The following NPHP1 variants were observed in gnomAD, a reference collection of about 807,000 sequenced individuals.
The protein encoded by NPHP1 is nephrocystin 1, also known as nephrocystin-1.
In NPHP1, 70 loss-of-function variants were observed where a neutral mutation model predicts 90.4. The observed-to-expected ratio is 0.77, with a 90% CI of 0.64 to 0.95. The LOEUF (loss-of-function observed/expected upper bound fraction) is 0.95. NPHP1 is among the 40% of genes least tolerant of loss of function. The probability of loss-of-function intolerance (pLI) is 0.00; values close to 1 mark genes in which losing one functional copy is unlikely to be tolerated. For synonymous variants in NPHP1, 256 were observed against 271.7 expected (o/e 0.94, Z 0.57); for missense variants, 764 against 795.9 (o/e 0.96, Z 0.48).
At chr2:110,156,721 T>C (rs1262388379) in intron 11 of NPHP1, among the ~76,000 whole-genome samples, 1 of 151,934 alleles carries the variant, frequency 6.6e-6, no homozygotes, top group African/African-American at 2.4e-5. Flanking sequence ...TTGTGTCTCA[T>C]TAGTTAGTTT....
chr2:110,180,427 A>T (rs1481619001), intron 2 of NPHP1, among the ~76,000 whole-genome samples: 1 of 140,496 alleles, frequency 7.1e-6, no homozygotes, highest in African/African-American at 2.6e-5. Flanking sequence ...TACAAAAGTC[A>T]CTTTTTTATG....
intron 12 of NPHP1, among the ~76,000 whole-genome samples, chr2:110,149,724 G>A (rs982365486): frequency 1.3e-5 from 2 of 152,094 alleles, no homozygotes; most frequent in South Asian, 2.1e-4. Flanking sequence ...AAAACAACAC[G>A]AAGACATCTT....
At chr2:110,172,092 C>A (rs1230593844) in intron 4 of NPHP1, among the ~76,000 whole-genome samples, 2 of 152,060 alleles carry the variant, frequency 1.3e-5, no homozygotes, top group Non-Finnish European at 2.9e-5. Context: ...TTTAGTAGAA[C>A]TTTTAAGATT....
At position 110,131,704 on chromosome 2, in the gene NPHP1, T is replaced by C. The variant is rs1266229950; in HGVS notation, c.1617A>G (p.Lys539=). 3.7e-6 allele frequency: 6 copies of C among 1,612,460 alleles called. No homozygotes were observed. The African/African-American group carries it at 8.0e-5, about 22-fold the overall frequency. The change falls in exon 17 of 20, where the codon AAA becomes AAG. Residue 539 remains lysine, a synonymous_variant. Coordinates refer to ENST00000445609, the MANE Select transcript of NPHP1 (RefSeq NM_001128178.3). ...CAGTACTTTGCAAGCTCATCCTGTC[T>C]TTCAGGAGCACATCTCCAAGAATTT... ...YRQILGDVLL[K]DRMSLQSTDL...
At chr2:110,168,869 A>G (rs1282550927) in intron 5 of NPHP1, among the ~76,000 whole-genome samples, 2 of 152,134 alleles carry the variant, frequency 1.3e-5, no homozygotes, top group African/African-American at 2.4e-5. Flanking sequence ...CAAAAATTCA[A>G]TTACTGCGTA....
Position 110,129,210 on chromosome 2 carries a change from C to G in NPHP1, c.1692G>C (p.Gln564His). The change falls in exon 18 of 20, where the codon CAG (glutamine) becomes CAC (histidine). Residue 564 changes from glutamine (Q) to histidine (H), a missense_variant. Gln to His is a conservative substitution (Grantham distance 24). Transcript: ENST00000445609. ...MLATFPMLLE[Q>H]PDVMDALRSS... ...CCCTGAGAGCATCCATCACATCAGGCTGCTCCAAGAGCATGGGGAAGGTGG... is the reference window on the plus strand; with the variant it reads ...CCCTGAGAGCATCCATCACATCAGGGTGCTCCAAGAGCATGGGGAAGGTGG... 1 of 1,613,300 alleles carries G rather than the reference C, an allele frequency of 6.2e-7. No individual in the cohort carries two copies. Among genetic ancestry groups the G allele is most frequent in the South Asian group, 1.1e-5 (1 of 90,930 alleles).
intron 16 of NPHP1, among the ~76,000 whole-genome samples, chr2:110,136,388 T>G (rs1315303523): frequency 6.6e-6 from 1 of 152,174 alleles, no homozygotes; most frequent in Non-Finnish European, 1.5e-5. Context: ...AAATTGTCCC[T>G]GTTTGCAGAT....
chr2:110,179,967 G>A (rs1436796887), intron 2 of NPHP1, among the ~76,000 whole-genome samples: 3 of 152,080 alleles, frequency 2.0e-5, no homozygotes, highest in Admixed American at 2.0e-4. Context: ...ACTTTAAAAT[G>A]CTTCTCCAGC....
At chr2:110,160,779 ATAAAT>A (rs1682252083) in intron 10 of NPHP1, among the ~76,000 whole-genome samples, 1 of 152,202 alleles carries the variant, frequency 6.6e-6, no homozygotes, top group African/African-American at 2.4e-5. Flanking sequence ...TTGTGAGTAA[ATAAAT>A]TGGCATTCTG....
intron 4 of NPHP1, among the ~76,000 whole-genome samples, chr2:110,173,985 T>C (rs1015717353): frequency 6.6e-5 from 10 of 152,160 alleles, no homozygotes; most frequent in Admixed American, 6.5e-4. Flanking sequence ...CTTTCTTAAA[T>C]AGTAAATTAC....
At chr2:110,196,992 A>C (rs1685215358) in intron 2 of NPHP1, among the ~76,000 whole-genome samples, 1 of 152,180 alleles carries the variant, frequency 6.6e-6, no homozygotes. Context: ...ACATGGTTAC[A>C]GTTGGAAGTC....
intron 4 of NPHP1, among the ~76,000 whole-genome samples, chr2:110,170,559 T>C (rs559293914): frequency 2.6e-5 from 4 of 152,262 alleles, no homozygotes; most frequent in East Asian, 1.9e-4. Flanking sequence ...GTAGGTCAAG[T>C]TCCGTGTCAG....
At chr2:110,146,132 G>C (rs1489006251) in intron 14 of NPHP1, among the ~76,000 whole-genome samples, 1 of 152,082 alleles carries the variant, frequency 6.6e-6, no homozygotes, top group Non-Finnish European at 1.5e-5. Context: ...CCATCCTACT[G>C]CCTGCCCATT....
chr2:110,141,453 G>C (rs894015112), intron 16 of NPHP1, among the ~76,000 whole-genome samples: 2 of 152,000 alleles, frequency 1.3e-5, no homozygotes, highest in Non-Finnish European at 2.9e-5. Context: ...TAAATGACTA[G>C]TCTAGGAGGG....
At chr2:110,178,375 G>T (rs747848168) in intron 4 of NPHP1, 48 bp downstream of exon 4, 5 of 1,546,422 alleles carry the variant, frequency 3.2e-6, no homozygotes, top group East Asian at 2.2e-5. Context: ...AAAGCTATTG[G>T]TGATATATCT....
At position 110,144,533 on chromosome 2, in the gene NPHP1, A is replaced by G. The variant is rs1215288938; in HGVS notation, c.1389T>C (p.Tyr463=). The change falls in exon 15 of 20, where the codon TAT becomes TAC. Residue 463 remains tyrosine (Y), a synonymous_variant. Coordinates refer to ENST00000445609, the MANE Select transcript of NPHP1 (RefSeq NM_001128178.3). ...YELFLNGGTP[Y]EKGIEVDPSI... ...AAGGGTCCACTTCAATACCTTTTTC[A>G]TAAGGAGTACCACCATTCAAGAAAA... 6.2e-7 allele frequency: 1 copy of G among 1,606,218 alleles called. No individual in the cohort carries two copies. The highest frequency in any genetic ancestry group is 2.2e-5 in the East Asian group (1 of 44,742).
intron 2 of NPHP1, among the ~76,000 whole-genome samples, chr2:110,181,752 C>G (rs1423020147): frequency 8.5e-5 from 13 of 152,130 alleles, no homozygotes; most frequent in Admixed American, 8.5e-4. Flanking sequence ...ACCACAACAC[C>G]ACTCCAGCAA....
chr2:110,174,740 T>C (rs372089008), intron 4 of NPHP1, among the ~76,000 whole-genome samples: 2 of 150,910 alleles, frequency 1.3e-5, no homozygotes, highest in South Asian at 2.1e-4. Flanking sequence ...GACACCTGCC[T>C]TTTTTTTTCA....
chr2:110,160,142 T>C lies in NPHP1; in HGVS notation c.1068A>G (p.Leu356=). ...GTAACCTTACCTTATTACCATCAAA[T>C]AGACAGAGGCGTACATGTCTGCTGA... ...QVLSRHVRLC[L]FDGNKVLSNI... is the part of the protein sequence containing the mutation. The change falls in exon 11 of 20, where the codon CTA becomes CTG. Residue 356 remains leucine (L), a synonymous_variant. Coordinates refer to ENST00000445609, the MANE Select transcript of NPHP1 (RefSeq NM_001128178.3). The C allele has an allele frequency of 6.2e-7, 1 of 1,613,110 alleles. No individual in the cohort carries two copies. Among genetic ancestry groups the C allele is most frequent in the East Asian group, 2.2e-5 (1 of 44,784 alleles).
Sources: allele counts gnomAD v4.1 joint callset (sites outside exome capture counted in the v4.1 genomes callset), GRCh38; gene constraint gnomAD v4.1.1; transcripts MANE v1.5; gene names NCBI Gene and HGNC (gene_info 2026-07-23, HGNC 2026-07-21).